PDE10A: variants seen among roughly 807,000 people sequenced by gnomAD.
PDE10A encodes the protein phosphodiesterase 10A.
A neutral mutation model predicts 97.7 loss-of-function variants in PDE10A; 39 were observed. The observed-to-expected ratio is 0.40, with a 90% CI of 0.31 to 0.52. PDE10A has a LOEUF of 0.52. Ranked by LOEUF, PDE10A falls within the 20% of genes least tolerant of loss-of-function variation. The pLI is 0.56. For missense variants in PDE10A, 731 were observed against 1,047.8 expected (o/e 0.70, Z 4.17); for synonymous variants, 371 against 376.8 (o/e 0.98, Z 0.18).
At chr6:165,809,213 T>C (rs1779214654) in intron 1 of PDE10A, among the ~76,000 whole-genome samples, 2 of 152,234 alleles carry the variant, frequency 1.3e-5, no homozygotes, top group South Asian at 2.1e-4. Context: ...GCAGAAACAC[T>C]GGTGCCCCCC....
chr6:165,875,762 GTT>G, intron 1 of PDE10A, among the ~76,000 whole-genome samples: 1 of 135,244 alleles, frequency 7.4e-6, no homozygotes, highest in South Asian at 2.4e-4. Context: ...GTGTGTGTGT[GTT>G]TGTTTTAACA....
intron 1 of PDE10A, among the ~76,000 whole-genome samples, chr6:165,631,734 T>C (rs1022396338): frequency 6.6e-6 from 1 of 152,242 alleles, no homozygotes; most frequent in African/African-American, 2.4e-5. Flanking sequence ...GAAACAAGGT[T>C]GCCAAACCTG....
At chr6:165,363,185 C>T (rs1015086187) in intron 18 of PDE10A, among the ~76,000 whole-genome samples, 2 of 152,160 alleles carry the variant, frequency 1.3e-5, no homozygotes, top group African/African-American at 4.8e-5. Context: ...TCTCTTGTCA[C>T]TGATATTCAG....
At chr6:165,859,066 T>A (rs573549602) in intron 1 of PDE10A, among the ~76,000 whole-genome samples, 2 of 152,170 alleles carry the variant, frequency 1.3e-5, no homozygotes, top group African/African-American at 4.8e-5. Context: ...AGGGAAAATA[T>A]AAGATTAGGT....
chr6:165,691,879 G>C (rs375026137), intron 1 of PDE10A, among the ~76,000 whole-genome samples: 8 of 152,172 alleles, frequency 5.3e-5, no homozygotes, highest in Admixed American at 5.2e-4. Context: ...TTCATCTTAC[G>C]CTTTTCACCC....
chr6:165,814,998 A>G (rs1325695396), intron 1 of PDE10A, among the ~76,000 whole-genome samples: 3 of 152,198 alleles, frequency 2.0e-5, no homozygotes, highest in African/African-American at 7.2e-5. Context: ...ACGTGCATTT[A>G]TGATTGAAAA....
At chr6:165,756,147 A>G (rs919827251) in intron 1 of PDE10A, among the ~76,000 whole-genome samples, 2 of 152,214 alleles carry the variant, frequency 1.3e-5, no homozygotes, top group Non-Finnish European at 2.9e-5. Context: ...ATTTGATAAA[A>G]ATTATTTGAC....
intron 2 of PDE10A, among the ~76,000 whole-genome samples, chr6:165,488,776 C>A (rs1010746635): frequency 3.3e-5 from 5 of 152,232 alleles, no homozygotes; most frequent in Admixed American, 6.5e-5. Context: ...GCTGCAGGCT[C>A]CACGGGAGCT....
At position 165,889,838 on chromosome 6, in the gene PDE10A, CCACTCACTCCTCACTCCTCCCT is replaced by C. The variant is rs1478203356; in HGVS notation, c.-615+97669_-615+97690del. On this transcript the variant is annotated intron_variant, in intron 1 of 19. Coordinates refer to the PDE10A transcript ENST00000366882. ...CACCTACTCCTCCCTCCCTCTCGCC[CCACTCACTCCTCACTCCTCCCT>C]CACTCACTCCTCACTCCTCCCTCAC... 8.6e-4 allele frequency among the ~76,000 whole-genome samples: 126 copies of C among 146,006 alleles called. 2 individuals carry two copies. Among genetic ancestry groups the C allele is most frequent in the African/African-American group, 3.0e-3 (118 of 39,442 alleles).
At chr6:165,668,002 A>T (rs1214009195), upstream of PDE10A, among the ~76,000 whole-genome samples, 1 of 152,248 alleles carries the variant, frequency 6.6e-6, no homozygotes, top group African/African-American at 2.4e-5. Context: ...TTAAAAACAG[A>T]TGCAAGTTAG....
At chr6:165,858,101 T>C (rs1378837293) in intron 1 of PDE10A, among the ~76,000 whole-genome samples, 1 of 152,266 alleles carries the variant, frequency 6.6e-6, no homozygotes. Flanking sequence ...TGTTGTTTAG[T>C]AAAACAATTT....
At chr6:165,625,075 G>A (rs941094771) in intron 1 of PDE10A, among the ~76,000 whole-genome samples, 1 of 152,028 alleles carries the variant, frequency 6.6e-6, no homozygotes, top group Middle Eastern at 3.4e-3. Context: ...GACCCAGTGA[G>A]AGAGAGAGTG....
intron 1 of PDE10A, among the ~76,000 whole-genome samples, chr6:165,809,497 G>A (rs993738299): frequency 6.6e-6 from 1 of 152,106 alleles, no homozygotes; most frequent in African/African-American, 2.4e-5. Flanking sequence ...CTAGTGGCCT[G>A]TGCACACCTC....
chr6:165,650,584 T>C (rs563309088), intron 1 of PDE10A, among the ~76,000 whole-genome samples: 60 of 152,368 alleles, frequency 3.9e-4, no homozygotes, highest in Non-Finnish European at 7.6e-4. Context: ...TTTACACTGC[T>C]GCAAATGTTA....
At chr6:165,356,218 G>A (rs1783015369) in intron 18 of PDE10A, among the ~76,000 whole-genome samples, 1 of 152,032 alleles carries the variant, frequency 6.6e-6, no homozygotes, top group Non-Finnish European at 1.5e-5. Flanking sequence ...GATTTAGGTG[G>A]GGACACAGCC....
At chr6:165,834,105 G>A (rs1780005730) in intron 1 of PDE10A, among the ~76,000 whole-genome samples, 1 of 152,160 alleles carries the variant, frequency 6.6e-6, no homozygotes, top group Non-Finnish European at 1.5e-5. Flanking sequence ...AGGAGCTTAG[G>A]GACTTCATAT....
intron 1 of PDE10A, among the ~76,000 whole-genome samples, chr6:165,846,564 TCA>T (rs1386686790): frequency 3.9e-5 from 6 of 152,180 alleles, no homozygotes; most frequent in African/African-American, 1.2e-4. Flanking sequence ...GCCCTTCCCA[TCA>T]CAGTGTGCAC....
intron 3 of PDE10A, among the ~76,000 whole-genome samples, chr6:165,481,637 C>T (rs1779611193): frequency 6.6e-6 from 1 of 152,116 alleles, no homozygotes; most frequent in Non-Finnish European, 1.5e-5. Flanking sequence ...AAAACTAAGA[C>T]ACTTTTTTCC....
chr6:165,621,630 C>T (rs2149272), intron 1 of PDE10A, among the ~76,000 whole-genome samples: 29,392 of 151,944 alleles, frequency 0.19, 4,321 homozygotes, highest in African/African-American at 0.42. Context: ...GTGGCGGGCG[C>T]CTGCAGTCCC....
Sources: gnomAD v4.1 joint callset for allele counts (sites outside exome capture counted in the v4.1 genomes callset) on GRCh38, gnomAD v4.1.1 for gene constraint, MANE v1.5 for transcripts, NCBI Gene and HGNC (gene_info 2026-07-23, HGNC 2026-07-21) for gene names.